Variants in PNMA1 observed in about 807,000 individuals in gnomAD.
The protein encoded by PNMA1 is PNMA family member 1.
A neutral mutation model predicts 26.1 loss-of-function variants in PNMA1; 21 were observed. The observed-to-expected ratio is 0.80, with a 90% CI of 0.57 to 1.16. The LOEUF is 1.16. Among genes scored for constraint, PNMA1 ranks in the 50% most tolerant of loss-of-function variants. PNMA1 has a pLI of 0.00. For missense variants in PNMA1, 435 were observed against 437.3 expected, an observed-to-expected ratio of 0.99 and a Z score of 0.05; for synonymous variants, 189 against 177.3, an observed-to-expected ratio of 1.07 and a Z score of -0.52.
chr14:73,712,525 A>C lies in PNMA1; in HGVS notation c.*53T>G, dbSNP rs2052827373. Reference sequence around the variant, plus strand: ...GACACATCTGTAAGACCCCACAGGGACAAGAAAAGTAGCTGTGATCTAGGT... The same window carrying C: ...GACACATCTGTAAGACCCCACAGGGCCAAGAAAAGTAGCTGTGATCTAGGT... On this transcript the variant is annotated 3_prime_UTR_variant, in exon 1 of 1. Transcript: ENST00000316836. The C allele has an allele frequency of 1.6e-6, 2 of 1,251,502 alleles. No homozygotes were observed. The highest frequency in any genetic ancestry group is 1.5e-5 in the African/African-American group (1 of 67,160). 77.5% of individuals were successfully genotyped at this position (1,251,502 alleles called of 1,614,324 possible). A position where few individuals can be genotyped will look rare whatever the true frequency, so the allele number is the denominator to read the frequency against.
chr14:73,713,627 G>T lies in PNMA1; in HGVS notation c.13C>A (p.Leu5Met). The change falls in exon 1 of 1, where the codon CTG becomes ATG. Residue 5 changes from leucine (L) to methionine (M), a missense_variant. Coordinates refer to ENST00000316836, the MANE Select transcript of PNMA1 (RefSeq NM_006029.5). ...ATCCCCCGGCACCAGTCTTCCAACAGTGTCATCGCCATTTTCTCAACTATC... is the reference window on the plus strand; with the variant it reads ...ATCCCCCGGCACCAGTCTTCCAACATTGTCATCGCCATTTTCTCAACTATC... MAMTLLEDWCRGMDV... is the reference protein window; with the variant it reads MAMTMLEDWCRGMDV... The T allele has an allele frequency of 6.2e-7, 1 of 1,601,160 alleles. No homozygotes were observed. The highest frequency in any genetic ancestry group is 1.1e-5 in the South Asian group (1 of 90,198).
chr14:73,713,295 G>A lies in PNMA1; in HGVS notation c.345C>T (p.Thr115=). The A allele has an allele frequency of 2.5e-6, 4 of 1,614,148 alleles. No homozygotes were observed. The highest frequency in any genetic ancestry group is 3.4e-6 in the Non-Finnish European group (4 of 1,180,018). Residue 115 remains threonine (T), a synonymous_variant, in exon 1 of 1, where the codon ACC becomes ACT. Transcript: ENST00000316836. ...CAAGGACACGGGCAACATCTTGCAC[G>A]GTCCACCCCTCTCTAGCTAGGAAGA... The part of the protein sequence containing the change: ...LHLFLAREGW[T]VQDVARVLGF...
Position 73,713,591 on chromosome 14 carries a change from A to G in PNMA1, c.49T>C (p.Ser17Pro), listed in dbSNP as rs370288059. 3 of 1,612,632 alleles carry G rather than the reference A, an allele frequency of 1.9e-6. No homozygotes were observed. The African/African-American group carries it at 4.0e-5, about 22-fold the overall frequency. Residue 17 changes from serine to proline, a missense_variant, in exon 1 of 1, where the codon TCC (serine) becomes CCC (proline). Transcript: ENST00000316836. ...EDWCRGMDVN[S>P]QRALLVWGIP... ...CCCCAGACTAACAGAGCTCTCTGGGAGTTCACATCCATCCCCCGGCACCAG... is the reference window on the plus strand; with the variant it reads ...CCCCAGACTAACAGAGCTCTCTGGGGGTTCACATCCATCCCCCGGCACCAG...
In PNMA1 at chr14:73,713,128, C is replaced by A; in HGVS notation, c.512G>T (p.Gly171Val). ...GGGATCAAAGGTTTCCTCTCCAGGC[C>A]CTGGGATGTCCCTCCCCGAGAAAAG... Reference protein sequence around the residue: ...LTLFSGRDIPGPGEETFDPWL... With the variant: ...LTLFSGRDIPVPGEETFDPWL... The change falls in exon 1 of 1, where the codon GGG (glycine) becomes GTG (valine). Residue 171 changes from glycine (G) to valine (V), a missense_variant. Physicochemically the swap from Gly to Val is moderately radical, Grantham distance 109. Transcript: ENST00000316836. The A allele has an allele frequency of 1.2e-6, 2 of 1,612,238 alleles. No individual in the cohort carries two copies. Among genetic ancestry groups the A allele is most frequent in the Non-Finnish European group, 1.7e-6 (2 of 1,178,922 alleles).
At position 73,713,152 on chromosome 14, in the gene PNMA1, A is replaced by G; in HGVS notation, c.488T>C (p.Leu163Pro). 1 of 1,612,176 alleles carries G rather than the reference A, an allele frequency of 6.2e-7. No homozygotes were observed. Among genetic ancestry groups the G allele is most frequent in the Admixed American group, 1.7e-5 (1 of 59,734 alleles). The change falls in exon 1 of 1, where the codon CTT becomes CCT. Residue 163 changes from leucine to proline, a missense_variant. Leu to Pro is a moderately conservative substitution (Grantham distance 98). Transcript: ENST00000316836. Reference protein sequence around the residue: ...VESIWYKRLTLFSGRDIPGPG... With the variant: ...VESIWYKRLTPFSGRDIPGPG... ...CCCTGGGATGTCCCTCCCCGAGAAA[A>G]GTGTCAGCCTCTTGTACCATATGGA...
chr14:73,713,787 C>T lies in PNMA1; in HGVS notation c.-148G>A. The T allele has an allele frequency of 1.4e-6, 1 of 715,324 alleles. No individual in the cohort carries two copies. 44.3% of individuals were successfully genotyped at this position (715,324 alleles called of 1,614,324 possible). ...CGATTAACAAAGACAGAGTCCTGATCTCGCCCTTCTCTGCCCCCACAGTCA... is the reference window on the plus strand; with the variant it reads ...CGATTAACAAAGACAGAGTCCTGATTTCGCCCTTCTCTGCCCCCACAGTCA... On this transcript the variant is annotated 5_prime_UTR_variant, in exon 1 of 1. Transcript: ENST00000316836.
chr14:73,713,556 C>T lies in PNMA1; in HGVS notation c.84G>A (p.Val28=), dbSNP rs2052841003. 1 of 1,613,562 alleles carries T rather than the reference C, an allele frequency of 6.2e-7. No individual in the cohort carries two copies. Among genetic ancestry groups the T allele is most frequent in the African/African-American group, 1.3e-5 (1 of 74,948 alleles). ...CTTCGATTTCAGCCTCATCACAGTTCACTGGGATGCCCCAGACTAACAGAG... is the reference window on the plus strand; with the variant it reads ...CTTCGATTTCAGCCTCATCACAGTTTACTGGGATGCCCCAGACTAACAGAG... ...QRALLVWGIP[V]NCDEAEIEET... is the part of the protein sequence containing the mutation. The change falls in exon 1 of 1, where the codon GTG becomes GTA. Residue 28 remains valine (V), a synonymous_variant. Transcript: ENST00000316836.
rs1182315512 is a variant in PNMA1 at position 73,712,256 on chromosome 14, G to T, written c.*322C>A. 2.1e-5 allele frequency: 6 copies of T among 287,618 alleles called. No homozygotes were observed. Among genetic ancestry groups the T allele is most frequent in the Non-Finnish European group, 3.2e-5 (5 of 154,430 alleles). 17.8% of individuals were successfully genotyped at this position (287,618 alleles called of 1,614,324 possible). On this transcript the variant is annotated 3_prime_UTR_variant, in exon 1 of 1. Transcript: ENST00000316836. ...CAATTTCACATTCAGTGTGGAATAA[G>T]AAGTGTCATAGGTTCGCGTGTTTTT... is the stretch of plus-strand genomic sequence containing the variant.
Position 73,712,475 on chromosome 14 carries a change from C to T in PNMA1, c.*103G>A, listed in dbSNP as rs777554204. On this transcript the variant is annotated 3_prime_UTR_variant, in exon 1 of 1. Coordinates refer to ENST00000316836, the MANE Select transcript of PNMA1 (RefSeq NM_006029.5). ...CCCTCCAAAAAACAACAAAACAGAA[C>T]AAGGCTAAGCCTTTACTACTCAGAG... The T allele has an allele frequency of 3.7e-6, 3 of 804,574 alleles. No individual in the cohort carries two copies. Among genetic ancestry groups the T allele is most frequent in the Non-Finnish European group, 4.0e-6 (2 of 501,516 alleles). The allele number at this position is 804,574 out of a possible 1,614,324, so 49.8% of individuals were successfully genotyped here. A position where few individuals can be genotyped will look rare whatever the true frequency, so the allele number is the denominator to read the frequency against.
chr14:73,713,848 C>G lies in PNMA1; in HGVS notation c.-209G>C. ...GCACTCGGAGCCGAGCTCGGGGACG[C>G]TGAGGCAGTCACGCGGCCGTCGCCA... On this transcript the variant is annotated 5_prime_UTR_variant, in exon 1 of 1. Coordinates refer to ENST00000316836, the MANE Select transcript of PNMA1 (RefSeq NM_006029.5). The G allele has an allele frequency of 2.1e-6, 1 of 477,056 alleles. No homozygotes were observed. Among genetic ancestry groups the G allele is most frequent in the Non-Finnish European group, 3.7e-6 (1 of 268,060 alleles). 29.6% of individuals were successfully genotyped at this position (477,056 alleles called of 1,614,324 possible).
At position 73,713,536 on chromosome 14, in the gene PNMA1, A is replaced by AT; in HGVS notation, c.103dup (p.Ile35AsnfsTer59). ...CATCGCAGCCTGGAGGGTCTCTTCG[A>AT]TTTCAGCCTCATCACAGTTCACTGG... On this transcript the variant is annotated frameshift_variant, in exon 1 of 1. Coordinates refer to ENST00000316836, the MANE Select transcript of PNMA1 (RefSeq NM_006029.5). LOFTEE classifies it high-confidence loss of function. 1 of 1,614,062 alleles carries AT rather than the reference A, an allele frequency of 6.2e-7. No homozygotes were observed. The highest frequency in any genetic ancestry group is 8.5e-7 in the Non-Finnish European group (1 of 1,180,010).
In PNMA1 at chr14:73,713,409, G is replaced by A; in HGVS notation, c.231C>T (p.Ile77=). ...ELTGAVDYAA[I]PREMPGKGGV... is the part of the protein sequence containing the mutation. ...CTCCTTTGCCCGGCATCTCCCTGGG[G>A]ATCGCGGCGTAATCTACAGCGCCAG... The change falls in exon 1 of 1, where the codon ATC becomes ATT. Residue 77 remains isoleucine (I), a synonymous_variant. Transcript: ENST00000316836. The A allele has an allele frequency of 6.2e-7, 1 of 1,614,150 alleles. No homozygotes were observed.
Position 73,711,790 on chromosome 14 carries a change from T to A in PNMA1, c.*788A>T, listed in dbSNP as rs987803569. The A allele has an allele frequency of 6.6e-6, 1 of 152,208 alleles. No homozygotes were observed. The highest frequency in any genetic ancestry group is 1.5e-5 in the Non-Finnish European group (1 of 68,036). 9.4% of individuals were successfully genotyped at this position (152,208 alleles called of 1,614,324 possible). A position where few individuals can be genotyped will look rare whatever the true frequency, so the allele number is the denominator to read the frequency against. On this transcript the variant is annotated 3_prime_UTR_variant, in exon 1 of 1. Coordinates refer to ENST00000316836, the MANE Select transcript of PNMA1 (RefSeq NM_006029.5). ...AAAAATGAGAAGACAACAGAATTTT[T>A]AAAATATTTTAATTTGTATATATAA...
chr14:73,713,854 C>G lies in PNMA1; in HGVS notation c.-215G>C, dbSNP rs981165745. 2.1e-6 allele frequency: 1 copy of G among 468,752 alleles called. No homozygotes were observed. The highest frequency in any genetic ancestry group is 5.0e-5 in the South Asian group (1 of 19,908). 29.0% of individuals were successfully genotyped at this position (468,752 alleles called of 1,614,324 possible). On this transcript the variant is annotated 5_prime_UTR_variant, in exon 1 of 1. Coordinates refer to ENST00000316836, the MANE Select transcript of PNMA1 (RefSeq NM_006029.5). Reference sequence around the variant, plus strand: ...GGAGCCGAGCTCGGGGACGCTGAGGCAGTCACGCGGCCGTCGCCATCTTGC... The same window carrying G: ...GGAGCCGAGCTCGGGGACGCTGAGGGAGTCACGCGGCCGTCGCCATCTTGC...
In PNMA1 at chr14:73,712,940, C is replaced by G. The variant is rs2052832201; in HGVS notation, c.700G>C (p.Glu234Gln). 25 of 1,614,232 alleles carry G rather than the reference C, an allele frequency of 1.5e-5. No homozygotes were observed. Among genetic ancestry groups the G allele is most frequent in the Non-Finnish European group, 2.1e-5 (25 of 1,180,052 alleles). ...ITTAECLKAL[E>Q]QVFGSVESSR... ...CTCTCAACGCTCCCAAACACCTGCT[C>G]AAGCGCCTTCAGGCATTCGGCAGTG... Residue 234 changes from glutamate to glutamine, a missense_variant, in exon 1 of 1, where the codon GAG becomes CAG. Physicochemically the swap from Glu to Gln is conservative, Grantham distance 29 (BLOSUM62 2). Transcript: ENST00000316836.
Position 73,712,523 on chromosome 14 carries a change from G to C in PNMA1, c.*55C>G, listed in dbSNP as rs116398549. On this transcript the variant is annotated 3_prime_UTR_variant, in exon 1 of 1. Coordinates refer to ENST00000316836, the MANE Select transcript of PNMA1 (RefSeq NM_006029.5). ...GAGACACATCTGTAAGACCCCACAG[G>C]GACAAGAAAAGTAGCTGTGATCTAG... The C allele has an allele frequency of 1.3e-3, 1,617 of 1,237,418 alleles. 25 individuals carry two copies. In the African/African-American group the frequency reaches 0.021, roughly 16 times the overall value. The allele number at this position is 1,237,418 out of a possible 1,614,324, so 76.7% of individuals were successfully genotyped here. A position where few individuals can be genotyped will look rare whatever the true frequency, so the allele number is the denominator to read the frequency against.
chr14:73,712,878 A>AT lies in PNMA1; in HGVS notation c.761dup (p.Tyr254Ter). ...CAGACAATTTTTCTCCCGGGTTCTG[A>AT]TAAGTGTTCAGAAATTTGATCTGGG... The part of the protein sequence containing the change: ...RDAQIKFLNT[Y>*]QNPGEKLSAY... Residue 254 changes from tyrosine (Y) to a stop codon, truncating the protein, a stop_gained and frameshift_variant, in exon 1 of 1, where the codon TAT becomes TAAT. Coordinates refer to ENST00000316836, the MANE Select transcript of PNMA1 (RefSeq NM_006029.5). LOFTEE classifies it high-confidence loss of function. 6.2e-7 allele frequency: 1 copy of AT among 1,614,098 alleles called. No homozygotes were observed. Among genetic ancestry groups the AT allele is most frequent in the African/African-American group, 1.3e-5 (1 of 75,054 alleles).
chr14:73,713,358 G>T lies in PNMA1; in HGVS notation c.282C>A (p.Pro94=). ...KGGVWKVLFK[P]PTSDAEFLER... ...CTAAAAATTCAGCATCAGAAGTTGGGGGCTTAAATAACACTTTCCAGACCC... is the reference window on the plus strand; with the variant it reads ...CTAAAAATTCAGCATCAGAAGTTGGTGGCTTAAATAACACTTTCCAGACCC... Residue 94 remains proline (P), a synonymous_variant, in exon 1 of 1, where the codon CCC becomes CCA. Coordinates refer to ENST00000316836, the MANE Select transcript of PNMA1 (RefSeq NM_006029.5). The T allele has an allele frequency of 1.2e-6, 2 of 1,614,154 alleles. No individual in the cohort carries two copies. Among genetic ancestry groups the T allele is most frequent in the Non-Finnish European group, 1.7e-6 (2 of 1,180,040 alleles).
chr14:73,713,253 A>G lies in PNMA1; in HGVS notation c.387T>C (p.Thr129=). The G allele has an allele frequency of 6.2e-7, 1 of 1,614,186 alleles. No homozygotes were observed. Among genetic ancestry groups the G allele is most frequent in the Non-Finnish European group, 8.5e-7 (1 of 1,180,038 alleles). The change falls in exon 1 of 1, where the codon ACT becomes ACC. Residue 129 remains threonine (T), a synonymous_variant. Coordinates refer to ENST00000316836, the MANE Select transcript of PNMA1 (RefSeq NM_006029.5). ...CTGGCATCTCTGGGCCCGGGGTCGG[A>G]GTAGGGTTCTGAAACCCAAGGACAC... is the stretch of plus-strand genomic sequence containing the variant. ...VARVLGFQNP[T]PTPGPEMPAE...
Sources: allele counts gnomAD v4.1 joint callset, GRCh38; gene constraint gnomAD v4.1.1; transcripts MANE v1.5; gene names NCBI Gene and HGNC (gene_info 2026-07-23, HGNC 2026-07-21).